The following THADA variants were observed in gnomAD, a reference collection of about 807,000 sequenced individuals.
THADA encodes THADA armadillo repeat containing.
THADA carries 213 observed loss-of-function variants against 219.8 expected under a neutral mutation model. The observed-to-expected ratio is 0.97, with a 90% CI of 0.87 to 1.09. THADA has a LOEUF of 1.09. Ranked by LOEUF, THADA falls within the 50% of genes least tolerant of loss-of-function variation. THADA has a pLI of 0.00. For synonymous variants in THADA, 1,018 were observed against 828.9 expected, an observed-to-expected ratio of 1.23 and a Z score of -3.92; for missense variants, 2,956 against 2,311.3, an observed-to-expected ratio of 1.28 and a Z score of -5.72.
At chr2:43,239,046 C>T (rs1668354477) in intron 36 of THADA, among the ~76,000 whole-genome samples, 1 of 152,194 alleles carries the variant, frequency 6.6e-6, no homozygotes, top group Admixed American at 6.5e-5. Flanking sequence ...GGTACACATT[C>T]ATGTCTGTGG....
At chr2:43,473,575 T>C (rs950153321) in intron 26 of THADA, among the ~76,000 whole-genome samples, 1 of 152,146 alleles carries the variant, frequency 6.6e-6, no homozygotes, top group Non-Finnish European at 1.5e-5. Flanking sequence ...ATCATCGTTT[T>C]GTGTCAAGTA....
At chr2:43,457,654 G>A (rs1683175061) in intron 26 of THADA, among the ~76,000 whole-genome samples, 1 of 152,050 alleles carries the variant, frequency 6.6e-6, no homozygotes, top group African/African-American at 2.4e-5. Context: ...ATAGGTCAGA[G>A]GATTTTATGA....
intron 28 of THADA, among the ~76,000 whole-genome samples, chr2:43,425,442 T>TTGTGTGTGTG (rs1225795608): frequency 2.7e-5 from 3 of 112,774 alleles, no homozygotes; most frequent in East Asian, 5.2e-4. Context: ...CTTGTTAAAA[T>TTGTGTGTGTG]TGTATGTGTG....
At chr2:43,554,208 C>T (rs1697082911) in intron 17 of THADA, among the ~76,000 whole-genome samples, 1 of 152,174 alleles carries the variant, frequency 6.6e-6, no homozygotes, top group African/African-American at 2.4e-5. Flanking sequence ...TGACTGACAT[C>T]TATGTTTTCT....
intron 19 of THADA, among the ~76,000 whole-genome samples, chr2:43,551,248 T>G (rs1443008224): frequency 6.6e-6 from 1 of 152,180 alleles, no homozygotes; most frequent in Non-Finnish European, 1.5e-5. Context: ...ATAAATATAT[T>G]TCATGATTTT....
rs1491415462 is a variant in THADA, at chr2:43,515,125, T to TAA, written c.3375-6346_3375-6345insTT. 1.4e-3 allele frequency among the ~76,000 whole-genome samples: 23 copies of TAA among 16,262 alleles called. 1 individual carries two copies. Among genetic ancestry groups the TAA allele is most frequent in the Non-Finnish European group, 2.1e-3 (21 of 9,952 alleles). The allele number at this position is 16,262 out of a possible 152,430, so 10.7% of individuals were successfully genotyped here. A position where few individuals can be genotyped will look rare whatever the true frequency, so the allele number is the denominator to read the frequency against. ...TATAATATATTTTATATATAATATA[T>TAA]TTTATATATAATATATAATATATTT... On this transcript the variant is annotated intron_variant, in intron 22 of 37. Coordinates refer to ENST00000405975, the MANE Select transcript of THADA (RefSeq NM_022065.5).
At chr2:43,544,259 G>A (rs917556440) in intron 20 of THADA, among the ~76,000 whole-genome samples, 4 of 152,284 alleles carry the variant, frequency 2.6e-5, no homozygotes, top group East Asian at 1.9e-4. Context: ...CCAGTACCAC[G>A]CTGTTTTGGT....
At chr2:43,324,460 G>A (rs1020534675) in intron 30 of THADA, among the ~76,000 whole-genome samples, 4 of 152,116 alleles carry the variant, frequency 2.6e-5, no homozygotes, top group African/African-American at 7.2e-5. Flanking sequence ...GGCCACAAAG[G>A]AGTCCATCCA....
At chr2:43,562,065 G>A (rs1698133593) in intron 15 of THADA, among the ~76,000 whole-genome samples, 1 of 152,010 alleles carries the variant, frequency 6.6e-6, no homozygotes, top group South Asian at 2.1e-4. Context: ...TTCTTAAATT[G>A]ACCCACCCTT....
In THADA at chr2:43,397,956, A is replaced by C. The variant is rs375872978; in HGVS notation, c.4227+15T>G. ...ATGGTGTTTGACAGAAGTCACACAAAGCAACTTTACTTACCTGGAGAAGTG... is the reference window on the plus strand; with the variant it reads ...ATGGTGTTTGACAGAAGTCACACAACGCAACTTTACTTACCTGGAGAAGTG... On this transcript the variant is annotated intron_variant, in intron 29 of 37. Coordinates refer to ENST00000405975, the MANE Select transcript of THADA (RefSeq NM_022065.5). 98 of 1,613,616 alleles carry C rather than the reference A, an allele frequency of 6.1e-5. 1 individual carries two copies. The highest frequency in any genetic ancestry group is 8.0e-5 in the Non-Finnish European group (94 of 1,179,588).
intron 31 of THADA, 118 bp from the exon 32 acceptor site, chr2:43,293,331 G>A: frequency 8.7e-7 from 1 of 1,143,986 alleles, no homozygotes. Context: ...CCCATAAGCA[G>A]ATTTCAAACA....
chr2:43,397,436 G>A (rs967212687), intron 29 of THADA, among the ~76,000 whole-genome samples: 1 of 152,024 alleles, frequency 6.6e-6, no homozygotes, highest in Non-Finnish European at 1.5e-5. Flanking sequence ...AGAAATGTTA[G>A]GTTAAAAACA....
chr2:43,457,048 GCA>G (rs1365496980), intron 26 of THADA, among the ~76,000 whole-genome samples: 1 of 151,826 alleles, frequency 6.6e-6, no homozygotes, highest in Non-Finnish European at 1.5e-5. Flanking sequence ...GTGTGTGTGT[GCA>G]CACACGTGCC....
At chr2:43,349,335 G>A (rs189294567) in intron 29 of THADA, among the ~76,000 whole-genome samples, 2 of 152,338 alleles carry the variant, frequency 1.3e-5, no homozygotes, top group African/African-American at 2.4e-5. Flanking sequence ...GAGAGACTCA[G>A]GGGAGCCCCA....
rs571141794 is a variant in THADA at position 43,571,862 on chromosome 2, C to A, written c.1909G>T (p.Val637Leu). 14 of 1,610,742 alleles carry A rather than the reference C, an allele frequency of 8.7e-6. No individual in the cohort carries two copies. The East Asian group carries it at 2.9e-4, about 33-fold the overall frequency. ...KQGLIHQHCQ[V>L]RIDTLGLLCE... ...AGCAAGCCTAATGTATCTATCCTTACCTAAAAAACATCAAGCAATAAAATG... is the reference window on the plus strand; with the variant it reads ...AGCAAGCCTAATGTATCTATCCTTAACTAAAAAACATCAAGCAATAAAATG... Residue 637 changes from valine (V) to leucine (L), a missense_variant and splice_region_variant, in exon 13 of 38, where the codon GTA becomes TTA. By Grantham distance (32) the Val-to-Leu change is conservative (BLOSUM62 1). Transcript: ENST00000405975.
Position 43,293,108 on chromosome 2 carries a change from T to A in THADA, c.4544A>T (p.Tyr1515Phe), listed in dbSNP as rs975506975. The change falls in exon 32 of 38, where the codon TAC becomes TTC. Residue 1515 changes from tyrosine (Y) to phenylalanine (F), a missense_variant. Transcript: ENST00000405975. The part of the protein sequence containing the change: ...WAFKVPGLPQ[Y>F]LQSLTRLAIA... ...GGCTAGTCTGGTGAGGCTCTGGAGG[T>A]ACTGGGGCAGGCCTGGCACCTTGAA... is the stretch of plus-strand genomic sequence containing the variant. 3 of 1,613,752 alleles carry A rather than the reference T, an allele frequency of 1.9e-6. No homozygotes were observed. The African/African-American group carries it at 4.0e-5, about 22-fold the overall frequency.
intron 20 of THADA, among the ~76,000 whole-genome samples, chr2:43,546,782 T>C (rs1446688221): frequency 6.6e-6 from 1 of 152,158 alleles, no homozygotes; most frequent in African/African-American, 2.4e-5. Context: ...ATGAGATGGG[T>C]TTCCTGAATA....
intron 15 of THADA, chr2:43,563,960 C>T (rs1250461103): frequency 6.6e-6 from 1 of 152,188 alleles, no homozygotes; most frequent in African/African-American, 2.4e-5. Flanking sequence ...CAATTACATG[C>T]AACTCATTCA....
intron 29 of THADA, among the ~76,000 whole-genome samples, chr2:43,376,419 C>T (rs1671388454): frequency 1.3e-5 from 2 of 152,194 alleles, no homozygotes; most frequent in South Asian, 4.1e-4. Context: ...AGCAATGTCC[C>T]TTTCCCAAAC....
Sources: allele counts gnomAD v4.1 joint callset (sites outside exome capture counted in the v4.1 genomes callset), GRCh38; gene constraint gnomAD v4.1.1; transcripts MANE v1.5; gene names NCBI Gene and HGNC (gene_info 2026-07-23, HGNC 2026-07-21).